The following SEMA3A variants were observed in gnomAD, a reference collection of about 807,000 sequenced individuals.
The protein encoded by SEMA3A is semaphorin-3A.
A neutral mutation model predicts 97.9 loss-of-function variants in SEMA3A; 29 were observed. The observed-to-expected ratio is 0.30, with a 90% CI of 0.22 to 0.40. The LOEUF is 0.40. Ranked by LOEUF, SEMA3A falls within the 10% of genes least tolerant of loss-of-function variation. The pLI, the probability that SEMA3A is intolerant of heterozygous loss-of-function variation, is 1.00. For synonymous variants in SEMA3A, 321 were observed against 323.7 expected, an observed-to-expected ratio of 0.99 and a Z score of 0.09; for missense variants, 763 against 951.3, an observed-to-expected ratio of 0.80 and a Z score of 2.60.
At chr7:84,263,070 T>A (rs1421743683) in intron 3 of SEMA3A, among the ~76,000 whole-genome samples, 1 of 152,252 alleles carries the variant, frequency 6.6e-6, no homozygotes, top group African/African-American at 2.4e-5. Flanking sequence ...AAATAAATTA[T>A]GACATTCATA....
intron 1 of SEMA3A, among the ~76,000 whole-genome samples, chr7:84,429,488 C>T (rs569620012): frequency 5.3e-5 from 6 of 112,784 alleles, no homozygotes; most frequent in Admixed American, 3.3e-4. Flanking sequence ...TAAATATTGA[C>T]TTTTGCATTA....
At chr7:84,130,907 C>T (rs184048681) in intron 2 of SEMA3A, among the ~76,000 whole-genome samples, 181 of 152,010 alleles carry the variant, frequency 1.2e-3, no homozygotes, top group Middle Eastern at 3.4e-3. Context: ...AATATATATA[C>T]TTAAAAAGAC....
In SEMA3A at chr7:83,958,808, C is replaced by T. The variant is rs1196627085; in HGVS notation, c.*2563G>A. On this transcript the variant is annotated 3_prime_UTR_variant, in exon 17 of 17. Transcript: ENST00000265362. ...TTTGATATCAACTGGGCCATAATGT[C>T]TCTGCTGTGATGCATCTTTTTCATA... The T allele has an allele frequency of 6.6e-6, 1 of 152,432 alleles. No individual in the cohort carries two copies. The highest frequency in any genetic ancestry group is 1.5e-5 in the Non-Finnish European group (1 of 67,944). 9.4% of individuals were successfully genotyped at this position (152,432 alleles called of 1,614,324 possible).
chr7:84,483,901 A>C (rs189628453), intron 1 of SEMA3A, among the ~76,000 whole-genome samples: 193 of 152,124 alleles, frequency 1.3e-3, no homozygotes, highest in African/African-American at 4.4e-3. Context: ...AAAATCAGCC[A>C]GGTGTGGTGG....
chr7:84,172,150 C>T (rs1797401275), intron 1 of SEMA3A, among the ~76,000 whole-genome samples: 1 of 152,068 alleles, frequency 6.6e-6, no homozygotes, highest in Non-Finnish European at 1.5e-5. Flanking sequence ...TCTAAAAGAG[C>T]AAAATGAAAA....
chr7:84,478,660 A>T (rs1221644119), intron 1 of SEMA3A, among the ~76,000 whole-genome samples: 1 of 151,898 alleles, frequency 6.6e-6, no homozygotes, highest in East Asian at 1.9e-4. Flanking sequence ...AATTAGTTAG[A>T]TTTATGGGAC....
chr7:84,010,520 A>C (rs1437890503), intron 9 of SEMA3A, among the ~76,000 whole-genome samples: 1 of 152,174 alleles, frequency 6.6e-6, no homozygotes, highest in Non-Finnish European at 1.5e-5. Flanking sequence ...CATGCTAATC[A>C]TCTGGGCAAA....
chr7:84,173,785 C>A (rs1584081527), intron 1 of SEMA3A, among the ~76,000 whole-genome samples: 2 of 152,150 alleles, frequency 1.3e-5, no homozygotes, highest in East Asian at 3.9e-4. Context: ...GGGAACTGGG[C>A]CACACAGCAG....
intron 1 of SEMA3A, among the ~76,000 whole-genome samples, chr7:84,432,780 A>G (rs2052913133): frequency 2.0e-5 from 3 of 152,128 alleles, no homozygotes; most frequent in South Asian, 4.2e-4. Flanking sequence ...TACTTTATCA[A>G]ATCCACCATT....
intron 2 of SEMA3A, among the ~76,000 whole-genome samples, chr7:84,335,837 A>C (rs1802024656): frequency 6.6e-6 from 1 of 152,128 alleles, no homozygotes; most frequent in South Asian, 2.1e-4. Context: ...TAAAAGGTGA[A>C]AGGAACTTTA....
At chr7:84,136,662 T>C (rs1796133197) in intron 1 of SEMA3A, among the ~76,000 whole-genome samples, 1 of 152,158 alleles carries the variant, frequency 6.6e-6, no homozygotes, top group Non-Finnish European at 1.5e-5. Context: ...TGCAATCTTA[T>C]CTACCAGAAT....
chr7:83,994,973 A>G (rs556221585), intron 12 of SEMA3A, among the ~76,000 whole-genome samples: 96 of 151,508 alleles, frequency 6.3e-4, no homozygotes, highest in African/African-American at 2.3e-3. Context: ...GCGAGACTCC[A>G]TGGGCACAGG....
At chr7:84,296,828 AT>A (rs1002955880) in intron 3 of SEMA3A, among the ~76,000 whole-genome samples, 73 of 152,262 alleles carry the variant, frequency 4.8e-4, no homozygotes, top group Admixed American at 2.5e-3. Flanking sequence ...TATAAAAAAA[AT>A]GTTTTTATGG....
At chr7:84,409,490 T>G (rs919333291) in intron 1 of SEMA3A, among the ~76,000 whole-genome samples, 9 of 152,106 alleles carry the variant, frequency 5.9e-5, no homozygotes, top group Non-Finnish European at 1.2e-4. Flanking sequence ...ATTTTACAAC[T>G]GCCCTAATGT....
chr7:84,261,482 T>C (rs373654958), intron 3 of SEMA3A, among the ~76,000 whole-genome samples: 1 of 152,220 alleles, frequency 6.6e-6, no homozygotes, highest in Admixed American at 6.5e-5. Context: ...AATACGTTAT[T>C]TGGGGCTCTG....
chr7:83,989,242 T>C (rs1408425972), intron 12 of SEMA3A, among the ~76,000 whole-genome samples: 1 of 152,170 alleles, frequency 6.6e-6, no homozygotes, highest in Non-Finnish European at 1.5e-5. Flanking sequence ...CTAAATACTT[T>C]CAAAAATGAA....
chr7:84,367,734 CTA>C (rs970024664), intron 2 of SEMA3A, among the ~76,000 whole-genome samples: 3 of 150,300 alleles, frequency 2.0e-5, no homozygotes, highest in Non-Finnish European at 3.0e-5. Flanking sequence ...ATGAGTAGAC[CTA>C]TATATATAGG....
intron 1 of SEMA3A, among the ~76,000 whole-genome samples, chr7:84,390,392 C>A (rs1273120396): frequency 1.3e-5 from 2 of 149,646 alleles, no homozygotes; most frequent in Non-Finnish European, 3.0e-5. Flanking sequence ...ATTGCTGGGT[C>A]AATTTCAATG....
At chr7:84,389,674 A>G (rs1803489583) in intron 1 of SEMA3A, among the ~76,000 whole-genome samples, 1 of 152,100 alleles carries the variant, frequency 6.6e-6, no homozygotes, top group Non-Finnish European at 1.5e-5. Context: ...TAATTAAGTA[A>G]TTATAGTTAG....
Sources: gnomAD v4.1 joint callset for allele counts (sites outside exome capture counted in the v4.1 genomes callset) on GRCh38, gnomAD v4.1.1 for gene constraint, MANE v1.5 for transcripts, NCBI Gene and HGNC (gene_info 2026-07-23, HGNC 2026-07-21) for gene names.